Variants in TMEFF1 observed in about 807,000 individuals in gnomAD.
TMEFF1 encodes the protein transmembrane protein with EGF like and two follistatin like domains 1, also known as tomoregulin-1.
In TMEFF1, 20 loss-of-function variants were observed where a neutral mutation model predicts 47.5. The ratio of observed to expected loss-of-function variants is 0.42; its 90% CI spans 0.30 to 0.61. The LOEUF is 0.61. Ranked by LOEUF, TMEFF1 falls within the 20% of genes least tolerant of loss-of-function variation. The pLI is 0.19. For synonymous variants in TMEFF1, 162 were observed against 166.3 expected, an observed-to-expected ratio of 0.97 and a Z score of 0.20; for missense variants, 411 against 471.1, an observed-to-expected ratio of 0.87 and a Z score of 1.18.
At chr9:100,560,813 A>G (rs986658984) in intron 7 of TMEFF1, among the ~76,000 whole-genome samples, 3 of 152,210 alleles carry the variant, frequency 2.0e-5, no homozygotes, top group African/African-American at 7.2e-5. Flanking sequence ...TTGAATTTTT[A>G]AAATAATGAC....
chr9:100,495,478 C>T (rs544111002), intron 1 of TMEFF1, among the ~76,000 whole-genome samples: 10 of 152,224 alleles, frequency 6.6e-5, no homozygotes, highest in South Asian at 4.2e-4. Context: ...GACTGTATGA[C>T]GCATTTAGCC....
intron 1 of TMEFF1, among the ~76,000 whole-genome samples, chr9:100,480,912 T>C (rs1837327667): frequency 6.6e-6 from 1 of 152,218 alleles, no homozygotes; most frequent in Admixed American, 6.5e-5. Context: ...CATGGGAATG[T>C]GTAATTCTGA....
rs578226113 is a variant in TMEFF1, at chr9:100,482,212, T to G, written c.196+8472T>G. On this transcript the variant is annotated intron_variant, in intron 1 of 9. Coordinates refer to ENST00000374879, the MANE Select transcript of TMEFF1 (RefSeq NM_003692.5). Reference sequence around the variant, plus strand: ...CTTTCTTTCTTTCTTTTCTTTTTTTTTTGGAGACAGTATCTTGCTCTGTTG... The same window carrying G: ...CTTTCTTTCTTTCTTTTCTTTTTTTGTTGGAGACAGTATCTTGCTCTGTTG... 7.9e-5 allele frequency among the ~76,000 whole-genome samples: 12 copies of G among 151,924 alleles called. No individual in the cohort carries two copies. In the South Asian group the frequency reaches 2.5e-3, roughly 32 times the overall value.
rs1837156518 is a variant in TMEFF1, at chr9:100,473,402, G to C, written c.-143G>C. 3.7e-6 allele frequency: 2 copies of C among 540,648 alleles called. No homozygotes were observed. The highest frequency in any genetic ancestry group is 2.0e-5 in the African/African-American group (1 of 50,052). 33.5% of individuals were successfully genotyped at this position (540,648 alleles called of 1,614,324 possible). The stretch of plus-strand genomic sequence containing the variant: ...CCGGGCCTGGCGGACGCTGCGGGTG[G>C]GGCGGGGATGCTGACGGGCTGCTCC... On this transcript the variant is annotated 5_prime_UTR_variant, in exon 1 of 10. Coordinates refer to ENST00000374879, the MANE Select transcript of TMEFF1 (RefSeq NM_003692.5). The surrounding 1 kb of genome is among the most constrained non-coding windows in gnomAD (Gnocchi z 5.4).
intron 6 of TMEFF1, among the ~76,000 whole-genome samples, chr9:100,549,479 C>T (rs1838794650): frequency 6.6e-6 from 1 of 152,178 alleles, no homozygotes; most frequent in African/African-American, 2.4e-5. Context: ...AATTGAAATG[C>T]ATCCTTTAGA....
chr9:100,524,519 G>C (rs1219344963), intron 5 of TMEFF1, among the ~76,000 whole-genome samples: 2 of 152,158 alleles, frequency 1.3e-5, no homozygotes, highest in African/African-American at 4.8e-5. Context: ...GGAGTCACAG[G>C]GTCATGGAGA....
At chr9:100,567,466 A>G (rs533874970) in intron 8 of TMEFF1, among the ~76,000 whole-genome samples, 6 of 152,222 alleles carry the variant, frequency 3.9e-5, no homozygotes, top group Admixed American at 3.9e-4. Context: ...TAACATAACC[A>G]TTTAATTCAC....
intron 1 of TMEFF1, among the ~76,000 whole-genome samples, chr9:100,481,390 G>A (rs1449079898): frequency 2.6e-5 from 4 of 152,146 alleles, no homozygotes; most frequent in African/African-American, 9.7e-5. Flanking sequence ...GAACATAGAA[G>A]CTGAACATAG....
chr9:100,547,092 T>C (rs1471739142), intron 5 of TMEFF1, among the ~76,000 whole-genome samples: 1 of 152,212 alleles, frequency 6.6e-6, no homozygotes, highest in Non-Finnish European at 1.5e-5. Flanking sequence ...TATGGCTCAC[T>C]GCGGCCTCAA....
intron 8 of TMEFF1, among the ~76,000 whole-genome samples, chr9:100,566,545 T>C (rs1323695054): frequency 2.6e-5 from 4 of 152,166 alleles, no homozygotes; most frequent in Non-Finnish European, 5.9e-5. Flanking sequence ...GGAATTCTGT[T>C]TCAGAATATC....
chr9:100,534,033 A>C (rs1838457217), intron 5 of TMEFF1, among the ~76,000 whole-genome samples: 2 of 151,966 alleles, frequency 1.3e-5, no homozygotes, highest in African/African-American at 4.8e-5. Context: ...TATTCTTTTG[A>C]GCAAAAACTT....
At chr9:100,484,696 C>T (rs1190910335) in intron 1 of TMEFF1, among the ~76,000 whole-genome samples, 1 of 138,604 alleles carries the variant, frequency 7.2e-6, no homozygotes, top group South Asian at 2.4e-4. Flanking sequence ...CACTGACGTA[C>T]TTTTTTTTTT....
intron 7 of TMEFF1, among the ~76,000 whole-genome samples, chr9:100,554,764 G>A (rs1838885331): frequency 1.3e-5 from 2 of 151,894 alleles, no homozygotes; most frequent in South Asian, 4.2e-4. Context: ...GCGAAGGCTG[G>A]GGAGGTGCAG....
At chr9:100,554,022 T>C (rs1838873075) in intron 7 of TMEFF1, among the ~76,000 whole-genome samples, 1 of 152,178 alleles carries the variant, frequency 6.6e-6, no homozygotes, top group African/African-American at 2.4e-5. Flanking sequence ...CAGCCTATAA[T>C]CTAACTATAC....
At chr9:100,477,751 C>T (rs1049678801) in intron 1 of TMEFF1, among the ~76,000 whole-genome samples, 3 of 151,540 alleles carry the variant, frequency 2.0e-5, no homozygotes, top group Non-Finnish European at 2.9e-5. Flanking sequence ...TCAAGCCTCC[C>T]GAGTAGCTGG....
At chr9:100,506,536 C>A (rs939503081) in intron 2 of TMEFF1, among the ~76,000 whole-genome samples, 11 of 151,920 alleles carry the variant, frequency 7.2e-5, no homozygotes, top group Admixed American at 1.3e-4. Context: ...GAGGCCGAGG[C>A]GGGCGGATCA....
rs2118388902 is a variant in TMEFF1, at chr9:100,516,682, A to G, written c.471A>G (p.Glu157=). Residue 157 remains glutamate, a synonymous_variant, in exon 5 of 10, where the codon GAA becomes GAG. Coordinates refer to ENST00000374879, the MANE Select transcript of TMEFF1 (RefSeq NM_003692.5). ...ATTTTTCTTTTTAAACAGAAGAGGAAGGGTCAGGGGCAGAAGTTCACAGAA... is the reference window on the plus strand; with the variant it reads ...ATTTTTCTTTTTAAACAGAAGAGGAGGGGTCAGGGGCAGAAGTTCACAGAA... ...NGSGSGEGEE[E]GSGAEVHRKH... is the part of the protein sequence containing the mutation. The G allele has an allele frequency of 4.3e-6, 7 of 1,612,234 alleles. No individual in the cohort carries two copies. Among genetic ancestry groups the G allele is most frequent in the Non-Finnish European group, 5.9e-6 (7 of 1,179,402 alleles).
At chr9:100,491,628 A>G (rs1837554069) in intron 1 of TMEFF1, among the ~76,000 whole-genome samples, 1 of 152,154 alleles carries the variant, frequency 6.6e-6, no homozygotes, top group Admixed American at 6.5e-5. Context: ...GTGAATGTGA[A>G]TACTGCCAGA....
intron 5 of TMEFF1, among the ~76,000 whole-genome samples, chr9:100,545,447 G>A (rs1838715634): frequency 6.6e-6 from 1 of 152,172 alleles, no homozygotes; most frequent in Non-Finnish European, 1.5e-5. Context: ...GAGCAGCTGA[G>A]ATGCAGGGCA....
Sources: allele counts gnomAD v4.1 joint callset (sites outside exome capture counted in the v4.1 genomes callset), GRCh38; gene constraint gnomAD v4.1.1; non-coding constraint Gnocchi (gnomAD v3.1); transcripts MANE v1.5; gene names NCBI Gene and HGNC (gene_info 2026-07-23, HGNC 2026-07-21).